Variants in IL17RA observed in about 807,000 individuals in gnomAD.
IL17RA encodes interleukin 17 receptor A, also known as interleukin-17 receptor A.
A neutral mutation model predicts 50.4 loss-of-function variants in IL17RA; 34 were observed. The observed-to-expected ratio is 0.67, with a 90% CI of 0.51 to 0.90. The LOEUF (loss-of-function observed/expected upper bound fraction) is 0.90, where lower values mean the gene tolerates loss of function less well. IL17RA is among the 40% of genes least tolerant of loss of function. The pLI is 0.00. For missense variants in IL17RA, 1,276 were observed against 1,169.8 expected, an observed-to-expected ratio of 1.09 and a Z score of -1.32; for synonymous variants, 585 against 510.4, an observed-to-expected ratio of 1.15 and a Z score of -1.97.
rs1167001946 is a variant in IL17RA at position 17,085,186 on chromosome 22, C to G, written c.95C>G (p.Ser32Cys). The change falls in exon 1 of 13, where the codon TCC becomes TGC. Residue 32 changes from serine (S) to cysteine (C), a missense_variant. Ser to Cys is a moderately radical substitution (Grantham distance 112). Transcript: ENST00000319363. ...GGCGTGCTGGCCCCGGGTGGCGCCT[C>G]CCTGCGACTCCTGGACCACCGGGCG... ...LLGVLAPGGA[S>C]LRLLDHRALV... The G allele has an allele frequency of 1.3e-6, 2 of 1,527,906 alleles. No homozygotes were observed. Among genetic ancestry groups the G allele is most frequent in the Non-Finnish European group, 1.8e-6 (2 of 1,142,618 alleles). The allele number at this position is 1,527,906 out of a possible 1,614,324, so 94.6% of individuals were successfully genotyped here.
intron 1 of IL17RA, among the ~76,000 whole-genome samples, chr22:17,094,215 A>G (rs2061357611): frequency 6.6e-6 from 1 of 151,972 alleles, no homozygotes; most frequent in African/African-American, 2.4e-5. Context: ...TAAACTCCTG[A>G]CTTCAGGTGA....
intron 1 of IL17RA, among the ~76,000 whole-genome samples, chr22:17,096,645 C>G (rs566525110): frequency 1.3e-5 from 2 of 151,790 alleles, no homozygotes; most frequent in Non-Finnish European, 2.9e-5. Context: ...CCGAGGCAGG[C>G]GGATCACGAG....
rs934555426 is a variant in IL17RA, at chr22:17,106,036, T to C, written c.1045+82T>C. 18 of 1,039,216 alleles carry C rather than the reference T, an allele frequency of 1.7e-5. No homozygotes were observed. The African/African-American group carries it at 2.7e-4, about 15-fold the overall frequency. The allele number at this position is 1,039,216 out of a possible 1,614,324, so 64.4% of individuals were successfully genotyped here. Reference sequence around the variant, plus strand: ...TCACTACCAAGGCAAATCGCTTTATTCTCAGAGCCTCAGCTTCTTGCTTGA... The same window carrying C: ...TCACTACCAAGGCAAATCGCTTTATCCTCAGAGCCTCAGCTTCTTGCTTGA... On this transcript the variant is annotated intron_variant, in intron 11 of 12. Coordinates refer to ENST00000319363, the MANE Select transcript of IL17RA (RefSeq NM_014339.7).
At chr22:17,104,874 G>A in intron 9 of IL17RA, 64 bp downstream of exon 9, 1 of 1,482,666 alleles carries the variant, frequency 6.7e-7, no homozygotes, top group South Asian at 1.1e-5. Flanking sequence ...CCCCCAGCCT[G>A]TGCTGCGTCC....
At chr22:17,104,567 A>G (rs1354829342) in intron 8 of IL17RA, among the ~76,000 whole-genome samples, 159 bp from the exon 9 acceptor site, 1 of 152,092 alleles carries the variant, frequency 6.6e-6, no homozygotes, top group Non-Finnish European at 1.5e-5. Context: ...TCACCTGGGC[A>G]GGGGTTCGCT....
rs1489582773 is a variant in IL17RA, at chr22:17,108,956, C to T, written c.1737C>T (p.Val579=). The T allele has an allele frequency of 1.9e-6, 3 of 1,607,046 alleles. No homozygotes were observed. The highest frequency in any genetic ancestry group is 1.3e-5 in the African/African-American group (1 of 74,864). The part of the protein sequence containing the change: ...AALDRFRDWQ[V]RCPDWFECEN... ...TGGACAGGTTCCGGGACTGGCAGGT[C>T]CGCTGTCCCGACTGGTTCGAATGTG... The change falls in exon 13 of 13, where the codon GTC becomes GTT. Residue 579 remains valine (V), a synonymous_variant. Transcript: ENST00000319363.
intron 1 of IL17RA, 70 bp from the exon 2 acceptor site, chr22:17,096,992 G>C: frequency 7.3e-7 from 1 of 1,367,176 alleles, no homozygotes; most frequent in South Asian, 1.2e-5. Flanking sequence ...AGCCAGTGGA[G>C]AGCATCTGGC....
intron 9 of IL17RA, among the ~76,000 whole-genome samples, chr22:17,105,328 G>A (rs1367403086): frequency 1.3e-5 from 2 of 152,182 alleles, no homozygotes; most frequent in Non-Finnish European, 1.5e-5. Context: ...CTGCAGCCAC[G>A]TGCTCACCAG....
rs2061461709 is a variant in IL17RA at position 17,115,038 on chromosome 22, T to C, written c.*5218T>C. 1 of 152,286 alleles carries C rather than the reference T, an allele frequency of 6.6e-6. No individual in the cohort carries two copies. The highest frequency in any genetic ancestry group is 2.1e-4 in the South Asian group (1 of 4,840). 9.4% of individuals were successfully genotyped at this position (152,286 alleles called of 1,614,324 possible). ...GCCAGACTCAGGCAAGGCCTAGGTG[T>C]GGGCTGGGCATTGCCTACACGTGAA... On this transcript the variant is annotated 3_prime_UTR_variant, in exon 13 of 13. Transcript: ENST00000319363.
intron 9 of IL17RA, 37 bp downstream of exon 9, chr22:17,104,847 G>A: frequency 1.2e-6 from 2 of 1,600,082 alleles, no homozygotes; most frequent in Non-Finnish European, 1.7e-6. Context: ...CATACTGGGA[G>A]AACAAGTGGC....
chr22:17,108,812 G>C lies in IL17RA; in HGVS notation c.1593G>C (p.Glu531Asp). 3.1e-6 allele frequency: 5 copies of C among 1,607,574 alleles called. No homozygotes were observed. The highest frequency in any genetic ancestry group is 2.5e-6 in the Non-Finnish European group (3 of 1,177,172). Residue 531 changes from glutamate (E) to aspartate (D), a missense_variant, in exon 13 of 13, where the codon GAG becomes GAC. Physicochemically the swap from Glu to Asp is conservative, Grantham distance 45. Coordinates refer to ENST00000319363, the MANE Select transcript of IL17RA (RefSeq NM_014339.7). ...ACCCGCTCATGGACAGGTTCGAGGA[G>C]GTGTACTTCCGCATCCAGGACCTGG... ...PRYPLMDRFEEVYFRIQDLEM... is the reference protein window; with the variant it reads ...PRYPLMDRFEDVYFRIQDLEM...
intron 1 of IL17RA, among the ~76,000 whole-genome samples, chr22:17,088,130 C>G (rs2061334792): frequency 6.6e-6 from 1 of 152,128 alleles, no homozygotes; most frequent in African/African-American, 2.4e-5. Flanking sequence ...CCCAAGGTCG[C>G]ACAGCTAATG....
chr22:17,110,161 C>T lies in IL17RA; in HGVS notation c.*341C>T, dbSNP rs919179033. The stretch of plus-strand genomic sequence containing the variant: ...AGATAAATTGCATGCGGCATGGCCC[C>T]AGCCATGAAGGAACTTAACCGCTAG... On this transcript the variant is annotated 3_prime_UTR_variant, in exon 13 of 13. Transcript: ENST00000319363. The T allele has an allele frequency of 1.6e-5, 6 of 366,438 alleles. No individual in the cohort carries two copies. Among genetic ancestry groups the T allele is most frequent in the Non-Finnish European group, 3.1e-5 (6 of 193,592 alleles). The allele number at this position is 366,438 out of a possible 1,614,324, so 22.7% of individuals were successfully genotyped here.
intron 1 of IL17RA, among the ~76,000 whole-genome samples, chr22:17,095,004 G>A (rs1365079044): frequency 1.3e-5 from 2 of 151,748 alleles, no homozygotes; most frequent in Non-Finnish European, 2.9e-5. Context: ...GAAAAAGAGG[G>A]AAAGCTGTCC....
rs1343111506 is a variant in IL17RA at position 17,108,899 on chromosome 22, G to A, written c.1680G>A (p.Arg560=). 4 of 1,611,410 alleles carry A rather than the reference G, an allele frequency of 2.5e-6. No individual in the cohort carries two copies. Among genetic ancestry groups the A allele is most frequent in the Non-Finnish European group, 3.4e-6 (4 of 1,179,258 alleles). The change falls in exon 13 of 13, where the codon CGG becomes CGA. Residue 560 remains arginine, a synonymous_variant. Transcript: ENST00000319363. ...AGCTGTCGGGGGACAACTACCTGCG[G>A]AGCCCGGGCGGCAGGCAGCTCCGCG... ...VGELSGDNYL[R]SPGGRQLRAA...
Position 17,103,474 on chromosome 22 carries a change from A to C in IL17RA, c.763-20A>C. On this transcript the variant is annotated intron_variant, in intron 7 of 12. Transcript: ENST00000319363. ...TTACCCATCCCAACTAGCCTTACCC[A>C]TCCTCGCCTCTCTCCTCAGCCCAGA... The C allele has an allele frequency of 6.2e-7, 1 of 1,610,182 alleles. No homozygotes were observed. The highest frequency in any genetic ancestry group is 8.5e-7 in the Non-Finnish European group (1 of 1,177,224).
chr22:17,098,376 A>G (rs1028400265), intron 3 of IL17RA, among the ~76,000 whole-genome samples: 1 of 152,210 alleles, frequency 6.6e-6, no homozygotes, highest in African/African-American at 2.4e-5. Flanking sequence ...GCTTATGAGC[A>G]CTAGCCCCAG....
chr22:17,086,593 T>G (rs1359924556), intron 1 of IL17RA, among the ~76,000 whole-genome samples: 3 of 152,100 alleles, frequency 2.0e-5, no homozygotes, highest in Non-Finnish European at 4.4e-5. Context: ...AAATAAATAC[T>G]CTGGGGACCC....
intron 4 of IL17RA, 63 bp from the exon 5 acceptor site, chr22:17,100,292 G>A (rs1323959387): frequency 3.0e-5 from 49 of 1,606,950 alleles, no homozygotes; most frequent in Non-Finnish European, 3.7e-5. Context: ...GGGGTCTTTG[G>A]GCATAGATGG....
Sources: allele counts gnomAD v4.1 joint callset (sites outside exome capture counted in the v4.1 genomes callset), GRCh38; gene constraint gnomAD v4.1.1; transcripts MANE v1.5; gene names NCBI Gene and HGNC (gene_info 2026-07-23, HGNC 2026-07-21).